NDUFA11: variants seen among roughly 807,000 people sequenced by gnomAD.
NDUFA11 encodes NADH dehydrogenase [ubiquinone] 1 alpha subcomplex subunit 11.
In NDUFA11, 14 loss-of-function variants were observed where a neutral mutation model predicts 11.3. The observed-to-expected ratio is 1.24, with a 90% CI of 0.82 to 1.94. NDUFA11 has a LOEUF of 1.94. Among genes scored for constraint, NDUFA11 ranks in the 30% most tolerant of loss-of-function variants. The pLI is 0.00. For synonymous variants in NDUFA11, 87 were observed against 85.6 expected, an observed-to-expected ratio of 1.02 and a Z score of -0.09; for missense variants, 204 against 200.3, an observed-to-expected ratio of 1.02 and a Z score of -0.11.
downstream of NDUFA11, among the ~76,000 whole-genome samples, chr19:5,893,693 C>T (rs1013620708): frequency 3.3e-5 from 5 of 152,144 alleles, no homozygotes; most frequent in Admixed American, 6.5e-5. This position sits in a 1 kb window ranked among gnomAD's most constrained non-coding sequence, Gnocchi z 4.1. Context: ...TGCTTGGGCC[C>T]GGGAGTTCCA....
In NDUFA11 at chr19:5,894,797, A is replaced by G; in HGVS notation, c.371T>C (p.Leu124Pro). The G allele has an allele frequency of 1.2e-6, 2 of 1,613,648 alleles. No homozygotes were observed. ...ACVYFGIAASLVKMGRLEGWE... is the reference protein window; with the variant it reads ...ACVYFGIAASPVKMGRLEGWE... ...GCCCTCCAGCCGGCCCATCTTGACC[A>G]GGGAGGCCGCTATGCCAAAGTACAC... The change falls in exon 4 of 4, where the codon CTG becomes CCG. Residue 124 changes from leucine (L) to proline (P), a missense_variant. Transcript: ENST00000308961.
chr19:5,892,306 C>T (rs1626918), downstream of NDUFA11: 97,193 of 153,278 alleles, frequency 0.63, 31,342 homozygotes, highest in Admixed American at 0.75. Context: ...CCTCAGCGCG[C>T]GCATCCGTGG....
rs2057607985 is a variant in NDUFA11 at position 5,896,355 on chromosome 19, T to C, written c.313+98A>G. 2.2e-6 allele frequency: 3 copies of C among 1,345,434 alleles called. No homozygotes were observed. Among genetic ancestry groups the C allele is most frequent in the Admixed American group, 4.7e-5 (2 of 42,608 alleles). 83.3% of individuals were successfully genotyped at this position (1,345,434 alleles called of 1,614,324 possible). A position where few individuals can be genotyped will look rare whatever the true frequency, so the allele number is the denominator to read the frequency against. ...GTGTTCAAGAAGGCTGCTTTACTTC[T>C]TGTCCGGGATGGAACAGAGAGGGTG... On this transcript the variant is annotated intron_variant, in intron 3 of 3. Transcript: ENST00000308961. The surrounding 1 kb of genome is among the most constrained non-coding windows in gnomAD (Gnocchi z 5.8).
chr19:5,896,047 A>C lies in NDUFA11; in HGVS notation c.313+406T>G. On this transcript the variant is annotated intron_variant, in intron 3 of 3. Transcript: ENST00000308961. This position sits in a 1 kb window ranked among gnomAD's most constrained non-coding sequence, Gnocchi z 5.8. ...ACCTTGGTGACCTGTGTCCTCTGACAAGGCACACAGAAGGAAGGCGGCACA... is the reference window on the plus strand; with the variant it reads ...ACCTTGGTGACCTGTGTCCTCTGACCAGGCACACAGAAGGAAGGCGGCACA... 1 of 363,274 alleles carries C rather than the reference A, an allele frequency of 2.8e-6. No individual in the cohort carries two copies. The highest frequency in any genetic ancestry group is 5.0e-6 in the Non-Finnish European group (1 of 199,416). The allele number at this position is 363,274 out of a possible 1,614,324, so 22.5% of individuals were successfully genotyped here.
At chr19:5,895,228 G>A (rs1267632150) in intron 3 of NDUFA11, 2 of 273,896 alleles carry the variant, frequency 7.3e-6, no homozygotes, top group Admixed American at 9.4e-5. Context: ...CCAGGGCCAG[G>A]CCACGCATCT....
chr19:5,901,666 GTTTTT>G (rs71927291), intron 1 of NDUFA11, among the ~76,000 whole-genome samples: 12 of 146,606 alleles, frequency 8.2e-5, no homozygotes, highest in African/African-American at 2.0e-4. Context: ...GTTTCTTTGG[GTTTTT>G]TTTTTTTTTT....
downstream of NDUFA11, chr19:5,892,806 G>A (rs1291707574): frequency 2.3e-6 from 3 of 1,318,572 alleles, no homozygotes; most frequent in Admixed American, 9.0e-5. Context: ...GCAGGGAGGT[G>A]GAATCGTCTT....
chr19:5,897,481 C>T (rs999910886), intron 1 of NDUFA11, among the ~76,000 whole-genome samples: 24 of 152,168 alleles, frequency 1.6e-4, no homozygotes, highest in Admixed American at 1.3e-3. Context: ...CTGTGGGGCC[C>T]GGGGCTCCTG....
chr19:5,894,579 G>T, downstream of NDUFA11: 1 of 1,431,032 alleles, frequency 7.0e-7, no homozygotes, highest in Non-Finnish European at 9.5e-7. Context: ...AGGCGCGTGT[G>T]CAGGGGGCCT....
At chr19:5,897,047 T>C (rs768275054) in intron 1 of NDUFA11, 50 bp from the exon 2 acceptor site, 2 of 1,498,502 alleles carry the variant, frequency 1.3e-6, no homozygotes, top group Non-Finnish European at 1.9e-6. Flanking sequence ...TGCTAAGCCC[T>C]TGCTTGGCCG....
rs1002618184 is a variant in NDUFA11 at position 5,896,074 on chromosome 19, A to G, written c.313+379T>C. 2 of 437,392 alleles carry G rather than the reference A, an allele frequency of 4.6e-6. No individual in the cohort carries two copies. Among genetic ancestry groups the G allele is most frequent in the African/African-American group, 3.9e-5 (2 of 51,144 alleles). The allele number at this position is 437,392 out of a possible 1,614,324, so 27.1% of individuals were successfully genotyped here. The stretch of plus-strand genomic sequence containing the variant: ...GGCACACAGAAGGAAGGCGGCACAG[A>G]GCGAGGGCGGCGGGGATGCTGGCTT... On this transcript the variant is annotated intron_variant, in intron 3 of 3. Coordinates refer to ENST00000308961, the MANE Select transcript of NDUFA11 (RefSeq NM_175614.5). This position sits in a 1 kb window ranked among gnomAD's most constrained non-coding sequence, Gnocchi z 5.8.
intron 1 of NDUFA11, among the ~76,000 whole-genome samples, chr19:5,901,024 A>T (rs1568432463): frequency 6.6e-6 from 1 of 152,108 alleles, no homozygotes; most frequent in Non-Finnish European, 1.5e-5. Context: ...GAGCACCCCT[A>T]AATCTAAATC....
At chr19:5,893,137 AG>A (rs2057588049), downstream of NDUFA11, 1 of 1,535,926 alleles carries the variant, frequency 6.5e-7, no homozygotes. This position sits in a 1 kb window ranked among gnomAD's most constrained non-coding sequence, Gnocchi z 4.1. Context: ...CTCTCCAGAG[AG>A]GACTTCGAGG....
At chr19:5,901,814 T>C (rs1227787453) in intron 1 of NDUFA11, among the ~76,000 whole-genome samples, 1 of 144,528 alleles carries the variant, frequency 6.9e-6, no homozygotes. Context: ...GGACTACAGG[T>C]GTCCACCACC....
At chr19:5,900,356 C>T (rs1173175927) in intron 1 of NDUFA11, among the ~76,000 whole-genome samples, 1 of 152,224 alleles carries the variant, frequency 6.6e-6, no homozygotes, top group East Asian at 1.9e-4. Flanking sequence ...CATTCATTCA[C>T]TCACAAATGG....
At chr19:5,902,152 T>A (rs974945264) in intron 1 of NDUFA11, among the ~76,000 whole-genome samples, 7 of 151,544 alleles carry the variant, frequency 4.6e-5, no homozygotes, top group African/African-American at 1.5e-4. Flanking sequence ...ATTTTTTGTA[T>A]TTTTAGTAGA....
At chr19:5,892,850 C>A, downstream of NDUFA11, 1 of 1,393,144 alleles carries the variant, frequency 7.2e-7, no homozygotes, top group Non-Finnish European at 9.3e-7. Flanking sequence ...GCCCTTATTC[C>A]CATTTACCAG....
chr19:5,897,811 G>A (rs758140190), intron 1 of NDUFA11, among the ~76,000 whole-genome samples: 1 of 152,352 alleles, frequency 6.6e-6, no homozygotes, highest in Admixed American at 6.5e-5. Context: ...GGGTGCCTAG[G>A]GGCGTCCTGA....
intron 1 of NDUFA11, among the ~76,000 whole-genome samples, chr19:5,899,440 G>A (rs1301237863): frequency 1.4e-5 from 2 of 140,554 alleles, no homozygotes; most frequent in African/African-American, 5.4e-5. Context: ...GTGAGCCACC[G>A]CGCCCGGACT....
Sources: gnomAD v4.1 joint callset for allele counts (sites outside exome capture counted in the v4.1 genomes callset) on GRCh38, gnomAD v4.1.1 for gene constraint, Gnocchi (gnomAD v3.1) non-coding constraint, MANE v1.5 for transcripts, NCBI Gene and HGNC (gene_info 2026-07-23, HGNC 2026-07-21) for gene names.